IQSEC1: variants seen among roughly 807,000 people sequenced by gnomAD.
IQSEC1 encodes the protein IQ motif and Sec7 domain ArfGEF 1.
Under a neutral mutation model 91.0 loss-of-function variants are expected in IQSEC1, and 31 were observed. That is an observed-to-expected ratio of 0.34 (90% CI 0.26 to 0.46). The LOEUF (loss-of-function observed/expected upper bound fraction) is 0.46. IQSEC1 is among the 20% of genes least tolerant of loss of function. IQSEC1 has a pLI of 1.00. For missense variants in IQSEC1, 1,388 were observed against 1,575.6 expected (o/e 0.88, Z 2.02); for synonymous variants, 699 against 662.6 (o/e 1.05, Z -0.84).
intron 1 of IQSEC1, among the ~76,000 whole-genome samples, chr3:13,178,392 TG>T (rs2125013174): frequency 6.6e-6 from 1 of 152,350 alleles, no homozygotes; most frequent in East Asian, 1.9e-4. Flanking sequence ...AGAGTGAGGA[TG>T]GGGCTCTCAG....
At chr3:13,275,956 T>A (rs1695670042) in intron 1 of IQSEC1, among the ~76,000 whole-genome samples, 1 of 152,198 alleles carries the variant, frequency 6.6e-6, no homozygotes, top group Non-Finnish European at 1.5e-5. Flanking sequence ...TAGTAAATAT[T>A]CCAAAACCTT....
Position 13,207,734 on chromosome 3 carries a change from G to A in IQSEC1, c.273-43601C>T, listed in dbSNP as rs1694369993. ...CCTGCCATCAGCCGGCCACGCCATC[G>A]CCAGCTCTCCCGGGAGGCTCTCTCT... On this transcript the variant is annotated intron_variant, in intron 1 of 15. Coordinates refer to the IQSEC1 transcript ENST00000648114. The surrounding 1 kb of genome is among the most constrained non-coding windows in gnomAD (Gnocchi z 4.8). Among the ~76,000 whole-genome samples the A allele has an allele frequency of 1.3e-5, 2 of 152,052 alleles. No individual in the cohort carries two copies. Among genetic ancestry groups the A allele is most frequent in the Admixed American group, 6.5e-5 (1 of 15,272 alleles).
chr3:12,955,873 T>C (rs185015506), intron 1 of IQSEC1, among the ~76,000 whole-genome samples: 19 of 152,148 alleles, frequency 1.2e-4, no homozygotes, highest in Admixed American at 2.0e-4. Flanking sequence ...CTCTGGAAGA[T>C]AGATTCTGTG....
rs752363762 is a variant in IQSEC1 at position 12,908,482 on chromosome 3, G to A, written c.2622C>T (p.Ser874=). The A allele has an allele frequency of 1.1e-5, 18 of 1,613,602 alleles. No individual in the cohort carries two copies. In the Admixed American group the frequency reaches 3.0e-4, roughly 27 times the overall value. ...ACTCCTTTTTGAGGCTAGAGCACTGGGACATGCTGGGCCGCACGACGCCTT... is the reference window on the plus strand; with the variant it reads ...ACTCCTTTTTGAGGCTAGAGCACTGAGACATGCTGGGCCGCACGACGCCTT... ...KQKGVVRPSM[S]QCSSLKKESG... is the part of the protein sequence containing the mutation. The change falls in exon 12 of 14, where the codon TCC becomes TCT. Residue 874 remains serine, a synonymous_variant. Coordinates refer to ENST00000613206, the MANE Select transcript of IQSEC1 (RefSeq NM_001134382.3). The surrounding 1 kb of genome is among the most constrained non-coding windows in gnomAD (Gnocchi z 4.9).
At chr3:13,174,309 G>A (rs185967892) in intron 1 of IQSEC1, among the ~76,000 whole-genome samples, 3 of 152,290 alleles carry the variant, frequency 2.0e-5, no homozygotes, top group Admixed American at 6.5e-5. Context: ...GCAAGAGGCT[G>A]CACTGCCCCG....
At chr3:13,025,953 G>C (rs1703596347) in intron 1 of IQSEC1, among the ~76,000 whole-genome samples, 1 of 152,138 alleles carries the variant, frequency 6.6e-6, no homozygotes. Flanking sequence ...CTCCAGGCCT[G>C]TCCACCCTGG....
chr3:12,958,780 T>C (rs1700073248), intron 1 of IQSEC1, among the ~76,000 whole-genome samples: 4 of 152,192 alleles, frequency 2.6e-5, no homozygotes, highest in Admixed American at 2.6e-4. Flanking sequence ...GCACTCTATG[T>C]ACCAAGCACT....
At chr3:13,265,308 A>G (rs971096245) in intron 1 of IQSEC1, among the ~76,000 whole-genome samples, 1 of 82,888 alleles carries the variant, frequency 1.2e-5, no homozygotes, top group Non-Finnish European at 2.6e-5. Context: ...CTGCCTGTGC[A>G]CTGGCACTGC....
Position 12,992,580 on chromosome 3 carries a change from G to C in IQSEC1, c.24-50715C>G, listed in dbSNP as rs997678364. ...AGGCCAATGTGTCCACTGCCTGGTG[G>C]AGCCTGACCACAAAATGAAACGGTG... is the stretch of plus-strand genomic sequence containing the variant. On this transcript the variant is annotated intron_variant, in intron 1 of 13. Transcript: ENST00000613206. The surrounding 1 kb of genome is among the most constrained non-coding windows in gnomAD (Gnocchi z 4.1). Among the ~76,000 whole-genome samples the C allele has an allele frequency of 2.0e-5, 3 of 152,180 alleles. No individual in the cohort carries two copies. The highest frequency in any genetic ancestry group is 2.9e-5 in the Non-Finnish European group (2 of 68,032).
chr3:12,906,014 G>A (rs959654903), intron 12 of IQSEC1, among the ~76,000 whole-genome samples: 13 of 152,134 alleles, frequency 8.5e-5, no homozygotes, highest in East Asian at 3.9e-4. Flanking sequence ...TGGGGCCGGC[G>A]CCAGCCCCCT....
In IQSEC1 at chr3:12,908,386, G is replaced by A. The variant is rs143374741; in HGVS notation, c.2718C>T (p.Ser906=). Residue 906 remains serine (S), a synonymous_variant, in exon 12 of 14, where the codon AGC becomes AGT. Transcript: ENST00000613206. The surrounding 1 kb of genome is among the most constrained non-coding windows in gnomAD (Gnocchi z 4.9). The stretch of plus-strand genomic sequence containing the variant: ...GGTCCCGCAGGGAGCTGCTGAGGGC[G>A]CTGCGCTTGAGGCCCTCACCGCTGG... ...SYASGEGLKR[S]ALSSSLRDLS... is the part of the protein sequence containing the mutation. 186 of 1,612,336 alleles carry A rather than the reference G, an allele frequency of 1.2e-4. No homozygotes were observed. Among genetic ancestry groups the A allele is most frequent in the East Asian group, 3.8e-4 (17 of 44,884 alleles).
At chr3:13,091,347 C>T (rs1378217415) in intron 2 of IQSEC1, among the ~76,000 whole-genome samples, 11 of 152,226 alleles carry the variant, frequency 7.2e-5, no homozygotes, top group Non-Finnish European at 1.6e-4. Flanking sequence ...CAGGCTCAAG[C>T]CATAGACCGT....
intron 2 of IQSEC1, among the ~76,000 whole-genome samples, chr3:13,145,485 A>G (rs1706873715): frequency 6.6e-6 from 1 of 152,190 alleles, no homozygotes; most frequent in African/African-American, 2.4e-5. Flanking sequence ...AGAAAAGACA[A>G]TCCCTCACAG....
intron 1 of IQSEC1, among the ~76,000 whole-genome samples, chr3:13,016,270 C>T (rs1393532692): frequency 6.6e-6 from 1 of 152,228 alleles, no homozygotes; most frequent in Non-Finnish European, 1.5e-5. Flanking sequence ...AGTGCTCTGT[C>T]CCTGTCTGAA....
At chr3:13,121,145 G>A (rs894594379) in intron 2 of IQSEC1, among the ~76,000 whole-genome samples, 9 of 152,210 alleles carry the variant, frequency 5.9e-5, no homozygotes, top group Admixed American at 1.3e-4. Context: ...CACGCTCCAC[G>A]AAGCTGCCTG....
chr3:13,138,771 G>C (rs994021079), intron 2 of IQSEC1, among the ~76,000 whole-genome samples: 61 of 151,948 alleles, frequency 4.0e-4, no homozygotes, highest in African/African-American at 1.4e-3. Flanking sequence ...TCCCTTTGCA[G>C]TCAGGCCTCC....
intron 1 of IQSEC1, among the ~76,000 whole-genome samples, chr3:13,229,304 G>C (rs1694805606): frequency 6.6e-6 from 1 of 152,210 alleles, no homozygotes; most frequent in Non-Finnish European, 1.5e-5. Context: ...CACATACTAT[G>C]ATGACAGGGC....
chr3:12,902,698 G>GAAAAAAAAAAA, intron 13 of IQSEC1, 75 bp downstream of exon 13: 2 of 458,822 alleles, frequency 4.4e-6, no homozygotes, highest in Non-Finnish European at 7.8e-6. Context: ...AAAAAAACCA[G>GAAAAAAAAAAA]GACAACAGAT....
At chr3:12,910,218 G>A (rs1230488751) in intron 10 of IQSEC1, among the ~76,000 whole-genome samples, 1 of 152,264 alleles carries the variant, frequency 6.6e-6, no homozygotes, top group African/African-American at 2.4e-5. Context: ...AGATAACTGA[G>A]CTGGGCCTGC....
Sources: gnomAD v4.1 joint callset for allele counts (sites outside exome capture counted in the v4.1 genomes callset) on GRCh38, gnomAD v4.1.1 for gene constraint, Gnocchi (gnomAD v3.1) non-coding constraint, MANE v1.5 for transcripts, NCBI Gene and HGNC (gene_info 2026-07-23, HGNC 2026-07-21) for gene names.